The following STK11 variants were observed in gnomAD, a reference collection of about 807,000 sequenced individuals.
The protein encoded by STK11 is serine/threonine-protein kinase STK11.
STK11 carries 8 observed loss-of-function variants against 47.3 expected under a neutral mutation model. The ratio of observed to expected loss-of-function variants is 0.17; its 90% CI spans 0.10 to 0.31. The LOEUF is 0.31. Among genes scored for constraint, STK11 ranks in the 10% least tolerant of loss-of-function variants. STK11 has a pLI of 1.00. For synonymous variants in STK11, 330 were observed against 255.8 expected, an observed-to-expected ratio of 1.29 and a Z score of -2.77; for missense variants, 475 against 605.0, an observed-to-expected ratio of 0.79 and a Z score of 2.25.
chr19:1,214,325 A>G (rs1599921775), intron 1 of STK11, among the ~76,000 whole-genome samples: 1 of 152,158 alleles, frequency 6.6e-6, no homozygotes, highest in East Asian at 1.9e-4. Context: ...CCTGCGCAGA[A>G]TGCCTTGGTC....
At chr19:1,214,635 G>A (rs1041583177) in intron 1 of STK11, among the ~76,000 whole-genome samples, 2 of 152,192 alleles carry the variant, frequency 1.3e-5, no homozygotes, top group African/African-American at 2.4e-5. Flanking sequence ...CCTCCCGAGC[G>A]GCCCCCACGA....
chr19:1,220,709 G>A lies in STK11; in HGVS notation c.726G>A (p.Gly242=), dbSNP rs776823114. ...TCAAGGTGGACATCTGGTCGGCTGGGGTCACCCTGTAAGTGCCCCGCCCCC... is the reference window on the plus strand; with the variant it reads ...TCAAGGTGGACATCTGGTCGGCTGGAGTCACCCTGTAAGTGCCCCGCCCCC... ...SGFKVDIWSA[G]VTLYNITTGL... Residue 242 remains glycine, a synonymous_variant, in exon 5 of 10, where the codon GGG becomes GGA. Coordinates refer to ENST00000326873, the MANE Select transcript of STK11 (RefSeq NM_000455.5). 1.9e-5 allele frequency: 30 copies of A among 1,608,882 alleles called. No individual in the cohort carries two copies. In the South Asian group the frequency reaches 3.0e-4, roughly 16 times the overall value.
chr19:1,222,960 C>G (rs371831240), intron 7 of STK11, 25 bp from the exon 8 acceptor site: 5 of 1,523,248 alleles, frequency 3.3e-6, no homozygotes, highest in Non-Finnish European at 4.4e-6. Context: ...GCCTGACAGG[C>G]GCCACTGCTT....
At chr19:1,224,082 G>T in intron 8 of STK11, 3 of 997,132 alleles carry the variant, frequency 3.0e-6, no homozygotes, top group Non-Finnish European at 3.6e-6. Context: ...CCCCCATTAG[G>T]TCCCTCAGCA....
chr19:1,214,550 C>T (rs952123032), intron 1 of STK11, among the ~76,000 whole-genome samples: 2 of 152,048 alleles, frequency 1.3e-5, no homozygotes, highest in Non-Finnish European at 2.9e-5. Flanking sequence ...GACATGGTGT[C>T]GGCAGGTGGT....
chr19:1,209,044 C>A (rs1440499889), intron 1 of STK11, among the ~76,000 whole-genome samples: 3 of 152,120 alleles, frequency 2.0e-5, no homozygotes, highest in African/African-American at 4.8e-5. Flanking sequence ...GGGTGTGTTT[C>A]CACGAGGCCT....
At chr19:1,209,584 AAAT>A (rs2080695114) in intron 1 of STK11, among the ~76,000 whole-genome samples, 1 of 51,612 alleles carries the variant, frequency 1.9e-5, no homozygotes, top group South Asian at 7.8e-4. Context: ...TCTGTCTCAA[AAAT>A]AAATAAATAA....
chr19:1,208,969 G>T (rs1193579861), intron 1 of STK11, among the ~76,000 whole-genome samples: 2 of 152,096 alleles, frequency 1.3e-5, no homozygotes, highest in African/African-American at 4.8e-5. Flanking sequence ...GAAACCAGGG[G>T]CACAGGCTCT....
intron 3 of STK11, chr19:1,220,172 C>T (rs1286911133): frequency 2.4e-5 from 15 of 613,984 alleles, no homozygotes; most frequent in Non-Finnish European, 3.8e-5. Context: ...CCAGACGTGG[C>T]TCGGCCGGAC....
chr19:1,224,889 C>T (rs2080810031), intron 8 of STK11: 3 of 985,704 alleles, frequency 3.0e-6, no homozygotes, highest in Non-Finnish European at 3.6e-6. Context: ...GGCTCAACTT[C>T]AGGCTTCAGC....
At chr19:1,224,544 C>T in intron 8 of STK11, 1 of 985,514 alleles carries the variant, frequency 1.0e-6, no homozygotes, top group Non-Finnish European at 1.2e-6. Flanking sequence ...CCAGCCCAGG[C>T]AGGTTGCGAG....
chr19:1,222,749 G>A (rs2080793979), intron 7 of STK11, among the ~76,000 whole-genome samples: 1 of 152,206 alleles, frequency 6.6e-6, no homozygotes, highest in Non-Finnish European at 1.5e-5. Flanking sequence ...GCTTCTGAGT[G>A]CCACCTGGGA....
At chr19:1,219,522 G>A in intron 3 of STK11, 109 bp downstream of exon 3, 5 of 1,247,676 alleles carry the variant, frequency 4.0e-6, no homozygotes, top group Non-Finnish European at 3.3e-6. Context: ...TGACATGAAG[G>A]CCCAAGTTTT....
Position 1,226,622 on chromosome 19 carries a change from G to A in STK11, c.1277G>A (p.Arg426Gln), listed in dbSNP as rs752699287. The change falls in exon 9 of 10, where the codon CGG (arginine) becomes CAG (glutamine). Residue 426 changes from arginine to glutamine, a missense_variant. By Grantham distance (43) the Arg-to-Gln change is conservative. Around this residue, in one of 5 missense-constraint regions of STK11, gnomAD observed 219 missense variants for 189.2 expected, o/e 1.16. Transcript: ENST00000326873. ...TGCTCCGCCAGCAGCAAGATCCGCC[G>A]GCTGTCGGCCTGCAAGCAGCAGTGA... ...KACSASSKIR[R>Q]LSACKQQ 5.2e-6 allele frequency: 8 copies of A among 1,547,634 alleles called. No homozygotes were observed. The highest frequency in any genetic ancestry group is 4.9e-5 in the East Asian group (2 of 41,016).
intron 3 of STK11, 59 bp from the exon 4 acceptor site, chr19:1,220,314 G>A: frequency 6.4e-7 from 1 of 1,555,970 alleles, no homozygotes; most frequent in Non-Finnish European, 8.7e-7. Flanking sequence ...AGCTGCAAAG[G>A]GGACCCCTGT....
Position 1,227,915 on chromosome 19 carries a change from C to T in STK11, c.*339C>T. 1 of 1,070,184 alleles carries T rather than the reference C, an allele frequency of 9.3e-7. No homozygotes were observed. The highest frequency in any genetic ancestry group is 1.1e-6 in the Non-Finnish European group (1 of 882,206). The allele number at this position is 1,070,184 out of a possible 1,614,324, so 66.3% of individuals were successfully genotyped here. A position where few individuals can be genotyped will look rare whatever the true frequency, so the allele number is the denominator to read the frequency against. ...GCCCGTGGCCTCGTGCTCCGCAGGG[C>T]GCCCAGCGCCGTCCGGCGGCCCCGC... On this transcript the variant is annotated 3_prime_UTR_variant, in exon 10 of 10. Transcript: ENST00000326873.
chr19:1,221,498 T>G, intron 6 of STK11, 158 bp downstream of exon 6: 1 of 1,182,352 alleles, frequency 8.5e-7, no homozygotes, highest in Non-Finnish European at 1.1e-6. Context: ...AGGGCCTGGT[T>G]TGCCAGGTCC....
At chr19:1,208,305 C>CCT (rs2080683260) in intron 1 of STK11, among the ~76,000 whole-genome samples, 1 of 134,010 alleles carries the variant, frequency 7.5e-6, no homozygotes, top group East Asian at 2.5e-4. Context: ...GGCTCACGTA[C>CCT]ATTTTTTTTT....
intron 1 of STK11, among the ~76,000 whole-genome samples, chr19:1,214,979 G>A (rs551220096): frequency 1.3e-4 from 20 of 152,328 alleles, no homozygotes; most frequent in South Asian, 6.2e-4. Context: ...CCCGGCCACC[G>A]CATCTCCTCT....
Sources: gnomAD v4.1 joint callset for allele counts (sites outside exome capture counted in the v4.1 genomes callset) on GRCh38, gnomAD v4.1.1 for gene constraint, gnomAD v4.1.1 regional missense constraint, MANE v1.5 for transcripts, NCBI Gene and HGNC (gene_info 2026-07-23, HGNC 2026-07-21) for gene names.